The following KCNH5 variants were observed in gnomAD, a reference collection of about 807,000 sequenced individuals.
KCNH5 encodes the protein voltage-gated delayed rectifier potassium channel KCNH5.
In KCNH5, 46 loss-of-function variants were observed where a neutral mutation model predicts 96.1. The observed-to-expected ratio is 0.48, with a 90% CI of 0.38 to 0.61. The LOEUF (loss-of-function observed/expected upper bound fraction) is 0.61, where lower values mean the gene tolerates loss of function less well. KCNH5 is among the 20% of genes least tolerant of loss of function. The probability of loss-of-function intolerance (pLI) is 0.00; values close to 1 mark genes in which losing one functional copy is unlikely to be tolerated. For synonymous variants in KCNH5, 439 were observed against 449.8 expected, an observed-to-expected ratio of 0.98 and a Z score of 0.30; for missense variants, 907 against 1,225.8, an observed-to-expected ratio of 0.74 and a Z score of 3.88.
intron 7 of KCNH5, among the ~76,000 whole-genome samples, chr14:62,870,968 A>G (rs2140066133): frequency 6.6e-6 from 1 of 152,318 alleles, no homozygotes; most frequent in East Asian, 1.9e-4. Context: ...CTGCCTCTCA[A>G]TAAACACTTT....
intron 10 of KCNH5, among the ~76,000 whole-genome samples, chr14:62,714,765 C>G (rs1884648008): frequency 6.6e-6 from 1 of 152,138 alleles, no homozygotes; most frequent in Non-Finnish European, 1.5e-5. Flanking sequence ...AAGAAATCAG[C>G]TTTTAAAAAC....
intron 8 of KCNH5, among the ~76,000 whole-genome samples, chr14:62,806,480 G>T (rs1307212333): frequency 6.6e-6 from 1 of 151,984 alleles, no homozygotes; most frequent in Non-Finnish European, 1.5e-5. Flanking sequence ...GCTACCTTTG[G>T]GTAAGTGTTG....
intron 8 of KCNH5, among the ~76,000 whole-genome samples, chr14:62,809,590 A>T (rs1886834296): frequency 6.6e-6 from 1 of 152,078 alleles, no homozygotes; most frequent in African/African-American, 2.4e-5. Flanking sequence ...GCTTGGCTTT[A>T]AAAAAGTCTT....
intron 7 of KCNH5, among the ~76,000 whole-genome samples, chr14:62,921,306 C>A (rs1454231893): frequency 1.3e-5 from 2 of 152,002 alleles, no homozygotes; most frequent in African/African-American, 4.8e-5. Context: ...TGTAACTTTT[C>A]TAAATAGAAA....
intron 1 of KCNH5, among the ~76,000 whole-genome samples, chr14:63,041,382 C>A (rs1891821379): frequency 6.6e-6 from 1 of 152,094 alleles, no homozygotes; most frequent in Non-Finnish European, 1.5e-5. Flanking sequence ...ATGTTCTAGA[C>A]ACAAATCTAG....
chr14:62,958,815 A>G (rs1890154723), intron 6 of KCNH5, among the ~76,000 whole-genome samples: 1 of 151,966 alleles, frequency 6.6e-6, no homozygotes, highest in African/African-American at 2.4e-5. Flanking sequence ...CATTACCATC[A>G]CTTTCAATGC....
At chr14:62,834,656 ACT>A (rs1171971936) in intron 8 of KCNH5, among the ~76,000 whole-genome samples, 1 of 151,890 alleles carries the variant, frequency 6.6e-6, no homozygotes, top group African/African-American at 2.4e-5. Flanking sequence ...AGGTCAGCAA[ACT>A]CTGAAGGCCA....
At chr14:62,933,263 G>C (rs922248541) in intron 7 of KCNH5, among the ~76,000 whole-genome samples, 1 of 152,118 alleles carries the variant, frequency 6.6e-6, no homozygotes, top group South Asian at 2.1e-4. Context: ...AAAAAAAATT[G>C]TGATAATGAC....
chr14:63,044,978 C>A, intron 1 of KCNH5, 136 bp downstream of exon 1: 1 of 713,136 alleles, frequency 1.4e-6, no homozygotes, highest in South Asian at 1.7e-5. Flanking sequence ...AAATCCAGCC[C>A]AACTGGTAAA....
chr14:62,794,314 C>T (rs1886495022), intron 9 of KCNH5, among the ~76,000 whole-genome samples: 1 of 151,560 alleles, frequency 6.6e-6, no homozygotes, highest in South Asian at 2.1e-4. Flanking sequence ...CTCTTATTTT[C>T]CATTAAGATT....
At chr14:62,811,050 T>C (rs1595633159) in intron 8 of KCNH5, among the ~76,000 whole-genome samples, 1 of 152,148 alleles carries the variant, frequency 6.6e-6, no homozygotes, top group East Asian at 1.9e-4. Context: ...GAAACCATTT[T>C]TCAGAATTCT....
chr14:62,781,034 C>A (rs1042691164), intron 9 of KCNH5, among the ~76,000 whole-genome samples: 1 of 151,756 alleles, frequency 6.6e-6, no homozygotes, highest in African/African-American at 2.4e-5. Context: ...AGACCTTTAT[C>A]GGGGAATCTG....
chr14:62,901,675 G>A (rs1296800685), intron 7 of KCNH5, among the ~76,000 whole-genome samples: 1 of 152,160 alleles, frequency 6.6e-6, no homozygotes, highest in Non-Finnish European at 1.5e-5. Context: ...TGTGAATAGT[G>A]CTGTGAAGAA....
At chr14:62,844,761 C>T (rs1467419746) in intron 8 of KCNH5, among the ~76,000 whole-genome samples, 1 of 152,156 alleles carries the variant, frequency 6.6e-6, no homozygotes, top group African/African-American at 2.4e-5. Flanking sequence ...CACATCAGTA[C>T]AGATTTTAAT....
At chr14:62,955,165 C>T (rs529979248) in intron 6 of KCNH5, among the ~76,000 whole-genome samples, 1 of 151,578 alleles carries the variant, frequency 6.6e-6, no homozygotes, top group Admixed American at 6.6e-5. Context: ...GAGCAGGGCA[C>T]TATTTATATT....
intron 9 of KCNH5, among the ~76,000 whole-genome samples, chr14:62,786,690 T>G (rs1242176038): frequency 6.6e-6 from 1 of 152,198 alleles, no homozygotes; most frequent in Non-Finnish European, 1.5e-5. Context: ...AGTCTATCGG[T>G]GTCATATTTC....
chr14:62,858,427 C>T (rs1887971217), intron 7 of KCNH5, among the ~76,000 whole-genome samples: 1 of 152,196 alleles, frequency 6.6e-6, no homozygotes, highest in African/African-American at 2.4e-5. Flanking sequence ...GTATTCCATG[C>T]ATACTGTTCC....
intron 6 of KCNH5, among the ~76,000 whole-genome samples, chr14:62,958,009 CA>C (rs1890137941): frequency 1.3e-5 from 2 of 152,176 alleles, no homozygotes; most frequent in South Asian, 4.1e-4. Flanking sequence ...AAGAAAAGTG[CA>C]TATGTTACAT....
intron 10 of KCNH5, among the ~76,000 whole-genome samples, chr14:62,731,814 T>C (rs1479748513): frequency 1.3e-5 from 2 of 152,166 alleles, no homozygotes; most frequent in Admixed American, 1.3e-4. Flanking sequence ...ACCAATGGCC[T>C]CCTTCCCTTT....
Sources: gnomAD v4.1 joint callset for allele counts (sites outside exome capture counted in the v4.1 genomes callset) on GRCh38, gnomAD v4.1.1 for gene constraint, MANE v1.5 for transcripts, NCBI Gene and HGNC (gene_info 2026-07-23, HGNC 2026-07-21) for gene names.